Variants in GAN observed in about 807,000 individuals in gnomAD.
GAN encodes epididymis secretory sperm binding protein.
GAN carries 48 observed loss-of-function variants against 71.3 expected under a neutral mutation model. The observed-to-expected ratio is 0.67, with a 90% CI of 0.53 to 0.86. GAN has a LOEUF of 0.86. Among genes scored for constraint, GAN ranks in the 40% least tolerant of loss-of-function variants. The pLI, the probability that GAN is intolerant of heterozygous loss-of-function variation, is 0.00. For synonymous variants in GAN, 386 were observed against 276.8 expected, an observed-to-expected ratio of 1.39 and a Z score of -3.92; for missense variants, 928 against 770.1, an observed-to-expected ratio of 1.21 and a Z score of -2.43.
chr16:81,365,060 T>C lies in GAN; in HGVS notation c.1323T>C (p.Tyr441=), dbSNP rs368072478. 156 of 1,613,816 alleles carry C rather than the reference T, an allele frequency of 9.7e-5. No individual in the cohort carries two copies. The Middle Eastern group carries it at 9.9e-4, about 10-fold the overall frequency. The stretch of plus-strand genomic sequence containing the variant: ...AGCTTTTTGAGTCTGTAGAGTGTTA[T>C]GATCCCAGGACCCAGCAGTGGACTG... The part of the protein sequence containing the change: ...YGKLFESVEC[Y]DPRTQQWTAI... The change falls in exon 8 of 11, where the codon TAT becomes TAC. Residue 441 remains tyrosine (Y), a synonymous_variant. Transcript: ENST00000648994.
In GAN at chr16:81,340,304, T is replaced by TA. The variant is rs1378195069; in HGVS notation, c.168-11271dup. ...AAACATATGACAGTAGAATAATCCT[T>TA]AAAAAAAATAATAAAACCCATCCAG... On this transcript the variant is annotated intron_variant, in intron 1 of 10. Transcript: ENST00000648994. Among the ~76,000 whole-genome samples the TA allele has an allele frequency of 6.6e-5, 10 of 151,918 alleles. No individual in the cohort carries two copies. In the South Asian group the frequency reaches 8.3e-4, roughly 13 times the overall value.
Position 81,354,738 on chromosome 16 carries a change from G to C in GAN, c.616G>C (p.Asp206His), listed in dbSNP as rs769586365. Residue 206 changes from aspartate to histidine, a missense_variant, in exon 3 of 11, where the codon GAT becomes CAT. Transcript: ENST00000648994. ...AGCAGTAATTCGATGGATAGCACATGATACAGAAATAAGAAAGGTACCTGT... is the reference window on the plus strand; with the variant it reads ...AGCAGTAATTCGATGGATAGCACATCATACAGAAATAAGAAAGGTACCTGT... ...FEAVIRWIAH[D>H]TEIRKVHMKD... The C allele has an allele frequency of 2.5e-6, 4 of 1,590,394 alleles. No individual in the cohort carries two copies. Among genetic ancestry groups the C allele is most frequent in the Non-Finnish European group, 3.5e-6 (4 of 1,158,376 alleles).
chr16:81,362,527 A>C lies in GAN; in HGVS notation c.1002A>C (p.Gln334His), dbSNP rs1910708782. ...GATTTTTGTTTGTATTCGGGGGCCA[A>C]GATGAAAATAAGCAGACTCTTAGCT... ...AEGFLFVFGG[Q>H]DENKQTLSSG... The change falls in exon 6 of 11, where the codon CAA (glutamine) becomes CAC (histidine). Residue 334 changes from glutamine (Q) to histidine (H), a missense_variant. By Grantham distance (24) the Gln-to-His change is conservative. Transcript: ENST00000648994. 1 of 1,607,774 alleles carries C rather than the reference A, an allele frequency of 6.2e-7. No individual in the cohort carries two copies. Among genetic ancestry groups the C allele is most frequent in the Admixed American group, 1.7e-5 (1 of 59,994 alleles).
At chr16:81,334,002 C>T (rs1909671712) in intron 1 of GAN, among the ~76,000 whole-genome samples, 1 of 152,206 alleles carries the variant, frequency 6.6e-6, no homozygotes, top group Non-Finnish European at 1.5e-5. Flanking sequence ...ATTTGTAATT[C>T]ACACTTGCCA....
chr16:81,348,443 A>G (rs1244879131), intron 1 of GAN, among the ~76,000 whole-genome samples: 1 of 152,086 alleles, frequency 6.6e-6, no homozygotes, highest in Non-Finnish European at 1.5e-5. Context: ...TATCTTTGTT[A>G]AATATCTAAT....
intron 1 of GAN, among the ~76,000 whole-genome samples, chr16:81,340,152 TG>T (rs1909893927): frequency 6.6e-6 from 1 of 152,202 alleles, no homozygotes; most frequent in Non-Finnish European, 1.5e-5. Flanking sequence ...TTGCCCACAA[TG>T]GTCTTGAACT....
At position 81,377,316 on chromosome 16, in the gene GAN, G is replaced by T. The variant is rs778219153; in HGVS notation, c.1600G>T (p.Asp534Tyr). The T allele has an allele frequency of 6.3e-7, 1 of 1,595,148 alleles. No homozygotes were observed. Among genetic ancestry groups the T allele is most frequent in the South Asian group, 1.1e-5 (1 of 90,698 alleles). ...PIGASIYVIG[D>Y]LDTGTNYDYV... is the part of the protein sequence containing the mutation. ...AGGAGCCAGTATTTATGTTATTGGA[G>T]ATCTTGATACAGGTAAGAGTGTTAC... Residue 534 changes from aspartate to tyrosine, a missense_variant, in exon 10 of 11, where the codon GAT (aspartate) becomes TAT (tyrosine). By Grantham distance (160) the Asp-to-Tyr change is radical. Coordinates refer to ENST00000648994, the MANE Select transcript of GAN (RefSeq NM_022041.4).
At chr16:81,376,509 GTA>G (rs1186155241) in intron 9 of GAN, among the ~76,000 whole-genome samples, 141 of 128,558 alleles carry the variant, frequency 1.1e-3, no homozygotes, top group African/African-American at 2.9e-3. Flanking sequence ...GTGTGTGTGT[GTA>G]TGTGTGTGTG....
chr16:81,373,035 T>C (rs1395835467), intron 9 of GAN, among the ~76,000 whole-genome samples: 2 of 152,230 alleles, frequency 1.3e-5, no homozygotes, highest in Non-Finnish European at 2.9e-5. Context: ...CTTAGCTTTG[T>C]TTCTGAGTTG....
At chr16:81,337,409 C>G (rs1909799992) in intron 1 of GAN, among the ~76,000 whole-genome samples, 1 of 152,180 alleles carries the variant, frequency 6.6e-6, no homozygotes. Flanking sequence ...TTATTGGAGA[C>G]AAGCTTTTAC....
chr16:81,355,877 A>T (rs1910469041), intron 3 of GAN, among the ~76,000 whole-genome samples: 1 of 152,160 alleles, frequency 6.6e-6, no homozygotes, highest in Non-Finnish European at 1.5e-5. Context: ...ATGTTTAGAA[A>T]CCATATTTGT....
At position 81,356,923 on chromosome 16, in the gene GAN, C is replaced by G; in HGVS notation, c.772C>G (p.Gln258Glu). 6.2e-7 allele frequency: 1 copy of G among 1,613,876 alleles called. No individual in the cohort carries two copies. The highest frequency in any genetic ancestry group is 8.5e-7 in the Non-Finnish European group (1 of 1,179,832). ...CAATATACCGCTCAGCCAGCCGCAG[C>G]AAGGGGAGGCGATGCTGGCCAACTT... ...CSNIPLSQPQ[Q>E]GEAMLANFKP... Residue 258 changes from glutamine to glutamate, a missense_variant, in exon 4 of 11, where the codon CAA (glutamine) becomes GAA (glutamate). Coordinates refer to ENST00000648994, the MANE Select transcript of GAN (RefSeq NM_022041.4).
chr16:81,343,468 C>T (rs528015618), intron 1 of GAN, among the ~76,000 whole-genome samples: 1 of 152,142 alleles, frequency 6.6e-6, no homozygotes, highest in African/African-American at 2.4e-5. Flanking sequence ...TCAACATATG[C>T]AAATCAATAA....
chr16:81,372,770 C>T (rs184171466), intron 9 of GAN, among the ~76,000 whole-genome samples: 48 of 152,328 alleles, frequency 3.2e-4, no homozygotes, highest in African/African-American at 1.0e-3. Context: ...ATGTTTAGGC[C>T]TGAAGACGTG....
In GAN at chr16:81,359,405, G is replaced by GTT. The variant is rs71146005; in HGVS notation, c.973+1490_973+1491dup. Among the ~76,000 whole-genome samples the GTT allele has an allele frequency of 5.6e-3, 702 of 125,030 alleles. 5 individuals are homozygous for GTT. The highest frequency in any genetic ancestry group is 0.014 in the African/African-American group (484 of 34,564). 82.0% of individuals were successfully genotyped at this position (125,030 alleles called of 152,430 possible). A position where few individuals can be genotyped will look rare whatever the true frequency, so the allele number is the denominator to read the frequency against. ...TCCTTCCGTTTGTCCAGGCTGCATT[G>GTT]TTTTTTTTTTTTTTTTTGCCTTTTT... On this transcript the variant is annotated intron_variant, in intron 5 of 10. Coordinates refer to ENST00000648994, the MANE Select transcript of GAN (RefSeq NM_022041.4).
chr16:81,326,929 A>T (rs1951308590), intron 1 of GAN, among the ~76,000 whole-genome samples: 1 of 152,232 alleles, frequency 6.6e-6, no homozygotes, highest in Non-Finnish European at 1.5e-5. Context: ...AAAAGGTCAG[A>T]GTTCAGGATG....
intron 9 of GAN, among the ~76,000 whole-genome samples, chr16:81,369,444 A>G (rs1597409419): frequency 6.6e-6 from 1 of 152,240 alleles, no homozygotes; most frequent in South Asian, 2.1e-4. Context: ...AGTAAAGTGG[A>G]TCTCGGAAAA....
At chr16:81,373,895 A>G (rs1597411848) in intron 9 of GAN, among the ~76,000 whole-genome samples, 1 of 152,158 alleles carries the variant, frequency 6.6e-6, no homozygotes, top group Admixed American at 6.5e-5. Context: ...GGCACGTGCC[A>G]CCATGCCCAG....
chr16:81,320,850 G>C (rs1399774908), intron 1 of GAN, among the ~76,000 whole-genome samples: 2 of 152,104 alleles, frequency 1.3e-5, no homozygotes, highest in African/African-American at 4.8e-5. Flanking sequence ...CAACTGCTCA[G>C]AAGATGAAAT....
Sources: allele counts gnomAD v4.1 joint callset (sites outside exome capture counted in the v4.1 genomes callset), GRCh38; gene constraint gnomAD v4.1.1; transcripts MANE v1.5; gene names NCBI Gene and HGNC (gene_info 2026-07-23, HGNC 2026-07-21).